KIRREL3: variants seen among roughly 807,000 people sequenced by gnomAD.
KIRREL3 encodes the protein kirre like nephrin family adhesion molecule 3, also known as kin of IRRE-like protein 3.
KIRREL3 carries 36 observed loss-of-function variants against 89.7 expected under a neutral mutation model. The observed-to-expected ratio is 0.40, with a 90% CI of 0.31 to 0.53. KIRREL3 has a LOEUF of 0.53. Among genes scored for constraint, KIRREL3 ranks in the 20% least tolerant of loss-of-function variants. KIRREL3 has a pLI of 0.49. For missense variants in KIRREL3, 864 were observed against 1,056.6 expected, an observed-to-expected ratio of 0.82 and a Z score of 2.53; for synonymous variants, 445 against 441.4, an observed-to-expected ratio of 1.01 and a Z score of -0.10.
In KIRREL3 at chr11:126,877,044, G is replaced by T. The variant is rs146173358; in HGVS notation, c.55+123411C>A. Among the ~76,000 whole-genome samples the T allele has an allele frequency of 4.4e-3, 665 of 152,300 alleles. 5 individuals carry two copies. The highest frequency in any genetic ancestry group is 0.015 in the African/African-American group (606 of 41,560). On this transcript the variant is annotated intron_variant, in intron 1 of 16. Coordinates refer to ENST00000525144, the MANE Select transcript of KIRREL3 (RefSeq NM_032531.4). The surrounding 1 kb of genome is among the most constrained non-coding windows in gnomAD (Gnocchi z 4.9). ...TGCTGAGGTCTGCATAAGAATAAAG[G>T]TTGGTTGTGGCGCTTGGCCAAAGCA...
chr11:126,451,804 T>G (rs1339132406), intron 7 of KIRREL3, among the ~76,000 whole-genome samples: 1 of 94,806 alleles, frequency 1.1e-5, no homozygotes, highest in Non-Finnish European at 2.1e-5. Context: ...AATCCTACTC[T>G]GATCCCAACA....
At chr11:126,973,150 C>CATG (rs1949478590) in intron 1 of KIRREL3, among the ~76,000 whole-genome samples, 1 of 145,484 alleles carries the variant, frequency 6.9e-6, no homozygotes, top group East Asian at 2.0e-4. Context: ...GGCCAATCTG[C>CATG]ATGAGCATGT....
intron 1 of KIRREL3, among the ~76,000 whole-genome samples, chr11:126,590,319 T>C (rs1942076577): frequency 1.3e-5 from 2 of 152,334 alleles, no homozygotes; most frequent in South Asian, 4.1e-4. Context: ...TTGCAATTAA[T>C]GCAGTCTAAG....
rs1426760891 is a variant in KIRREL3, at chr11:126,811,826, A to G, written c.55+188629T>C. On this transcript the variant is annotated intron_variant, in intron 1 of 16. Coordinates refer to ENST00000525144, the MANE Select transcript of KIRREL3 (RefSeq NM_032531.4). The surrounding 1 kb of genome is among the most constrained non-coding windows in gnomAD (Gnocchi z 4.3). ...AGTCTCAAACTCCTGAACTCGGGTG[A>G]TCCACCCGCCTTGGCCTCATAAAGT... Among the ~76,000 whole-genome samples the G allele has an allele frequency of 6.6e-6, 1 of 152,140 alleles. No individual in the cohort carries two copies. Among genetic ancestry groups the G allele is most frequent in the Non-Finnish European group, 1.5e-5 (1 of 68,014 alleles).
At chr11:126,533,780 A>C (rs12576910) in intron 2 of KIRREL3, among the ~76,000 whole-genome samples, 4,719 of 152,204 alleles carry the variant, frequency 0.031, 136 homozygotes, top group Middle Eastern at 0.075. Context: ...CCATTTTCCT[A>C]TCTGTGAAAT....
chr11:126,889,989 A>G (rs1416899186), intron 1 of KIRREL3, among the ~76,000 whole-genome samples: 1 of 152,210 alleles, frequency 6.6e-6, no homozygotes, highest in Admixed American at 6.5e-5. Flanking sequence ...AATTGCATTC[A>G]CTGCATAAAT....
intron 1 of KIRREL3, among the ~76,000 whole-genome samples, chr11:126,671,547 A>C (rs531972001): frequency 6.6e-6 from 1 of 152,234 alleles, no homozygotes; most frequent in Admixed American, 6.5e-5. Context: ...AAACACTTGC[A>C]TCTAAAATAT....
intron 1 of KIRREL3, among the ~76,000 whole-genome samples, chr11:126,951,311 G>A (rs1948767279): frequency 6.6e-6 from 1 of 152,208 alleles, no homozygotes; most frequent in Non-Finnish European, 1.5e-5. Flanking sequence ...GATGCTCTGG[G>A]TATTTGATAA....
At chr11:126,777,912 T>C (rs1353793576) in intron 1 of KIRREL3, among the ~76,000 whole-genome samples, 1 of 151,894 alleles carries the variant, frequency 6.6e-6, no homozygotes, top group Non-Finnish European at 1.5e-5. Context: ...AAATACTGAG[T>C]CCATTGAGCA....
Position 126,549,222 on chromosome 11 carries a change from A to G in KIRREL3, c.133+13613T>C, listed in dbSNP as rs1425020758. The G allele has an allele frequency of 2.0e-5, 3 of 152,328 alleles. 1 individual carries two copies. The South Asian group carries it at 6.2e-4, about 32-fold the overall frequency. The allele number at this position is 152,328 out of a possible 1,614,324, so 9.4% of individuals were successfully genotyped here. A position where few individuals can be genotyped will look rare whatever the true frequency, so the allele number is the denominator to read the frequency against. ...ATGTGTATTTCAAACCGTTATATAA[A>G]TGGACTTGATTTGGCACTTCTGAAT... On this transcript the variant is annotated intron_variant, in intron 2 of 16. Transcript: ENST00000525144.
chr11:126,567,010 G>A (rs192429036), intron 1 of KIRREL3, among the ~76,000 whole-genome samples: 2 of 152,160 alleles, frequency 1.3e-5, no homozygotes, highest in Admixed American at 6.5e-5. Flanking sequence ...GGTAAAGTAC[G>A]GGGTCGCAGA....
At chr11:126,447,550 G>A (rs549619856) in intron 8 of KIRREL3, among the ~76,000 whole-genome samples, 5 of 152,176 alleles carry the variant, frequency 3.3e-5, no homozygotes, top group South Asian at 2.1e-4. Context: ...CATTGCAGTG[G>A]AGCAGCCCTG....
intron 1 of KIRREL3, among the ~76,000 whole-genome samples, chr11:126,929,749 T>A (rs144734010): frequency 6.6e-6 from 1 of 152,234 alleles, no homozygotes; most frequent in African/African-American, 2.4e-5. Context: ...AATCTATTCA[T>A]GGCTTCCAAT....
At chr11:126,452,472 G>A (rs1162267473) in intron 7 of KIRREL3, among the ~76,000 whole-genome samples, 2 of 152,222 alleles carry the variant, frequency 1.3e-5, no homozygotes, top group Non-Finnish European at 2.9e-5. Context: ...TGGGAAGGCA[G>A]GGAGCCCTGG....
chr11:126,516,841 C>G lies in KIRREL3; in HGVS notation c.433+4474G>C, dbSNP rs1482144938. Among the ~76,000 whole-genome samples the G allele has an allele frequency of 6.6e-6, 1 of 152,128 alleles. No homozygotes were observed. The highest frequency in any genetic ancestry group is 6.5e-5 in the Admixed American group (1 of 15,276). On this transcript the variant is annotated intron_variant, in intron 4 of 16. Transcript: ENST00000525144. The surrounding 1 kb of genome is among the most constrained non-coding windows in gnomAD (Gnocchi z 4.9). ...GGCGGGGTGGCTCACGCTTGTAATC[C>G]CAGCACTTTGGGAGGCCAAGATGGG...
chr11:126,580,531 A>T lies in KIRREL3; in HGVS notation c.56-17619T>A, dbSNP rs2134664020. ...GAAGTCTAGAAAGGTCAGTGGAGGC[A>T]TACCGTGGAGGGCTTTGAGCACAGA... On this transcript the variant is annotated intron_variant, in intron 1 of 16. Transcript: ENST00000525144. 1.3e-5 allele frequency among the ~76,000 whole-genome samples: 2 copies of T among 152,338 alleles called. 1 individual carries two copies. Among genetic ancestry groups the T allele is most frequent in the South Asian group, 4.1e-4 (2 of 4,824 alleles).
rs927234691 is a variant in KIRREL3 at position 126,579,993 on chromosome 11, C to T, written c.56-17081G>A. 1.3e-5 allele frequency among the ~76,000 whole-genome samples: 2 copies of T among 152,020 alleles called. No homozygotes were observed. The highest frequency in any genetic ancestry group is 4.8e-5 in the African/African-American group (2 of 41,390). On this transcript the variant is annotated intron_variant, in intron 1 of 16. Coordinates refer to ENST00000525144, the MANE Select transcript of KIRREL3 (RefSeq NM_032531.4). The surrounding 1 kb of genome is among the most constrained non-coding windows in gnomAD (Gnocchi z 5.3). ...CCCGAGTAGCTGGGACTATAGGCGC[C>T]CGCCACCATGCCAAGCTAATTTTTT...
At chr11:126,632,964 C>T (rs796666138) in intron 1 of KIRREL3, among the ~76,000 whole-genome samples, 17 of 151,724 alleles carry the variant, frequency 1.1e-4, no homozygotes, top group African/African-American at 3.1e-4. Flanking sequence ...TGGTGGTGCA[C>T]GCCTGTAGTC....
chr11:126,899,479 G>A (rs989057692), intron 1 of KIRREL3, among the ~76,000 whole-genome samples: 7 of 152,178 alleles, frequency 4.6e-5, no homozygotes, highest in Non-Finnish European at 2.9e-5. Context: ...GCAGAACACC[G>A]ATTAACTTCC....
Sources: allele counts gnomAD v4.1 joint callset (sites outside exome capture counted in the v4.1 genomes callset), GRCh38; gene constraint gnomAD v4.1.1; non-coding constraint Gnocchi (gnomAD v3.1); transcripts MANE v1.5; gene names NCBI Gene and HGNC (gene_info 2026-07-23, HGNC 2026-07-21).